Variants in UBE3C observed in about 807,000 individuals in gnomAD.
UBE3C encodes ubiquitin protein ligase E3C.
A neutral mutation model predicts 129.4 loss-of-function variants in UBE3C; 42 were observed. The ratio of observed to expected loss-of-function variants is 0.32; its 90% CI spans 0.25 to 0.42. The LOEUF is 0.42. Among genes scored for constraint, UBE3C ranks in the 10% least tolerant of loss-of-function variants. The probability of loss-of-function intolerance (pLI) is 1.00; values close to 1 mark genes in which losing one functional copy is unlikely to be tolerated. For missense variants in UBE3C, 1,049 were observed against 1,319.1 expected (o/e 0.80, Z 3.17); for synonymous variants, 510 against 492.4 (o/e 1.04, Z -0.47).
At position 157,220,691 on chromosome 7, in the gene UBE3C, C is replaced by A. The variant is rs771358393; in HGVS notation, c.1917C>A (p.Val639=). 3 of 1,614,130 alleles carry A rather than the reference C, an allele frequency of 1.9e-6. No individual in the cohort carries two copies. Among genetic ancestry groups the A allele is most frequent in the South Asian group, 1.1e-5 (1 of 91,074 alleles). ...SEQEDIKADK[V]TQLYVPASRH... ...TGAACCAGGATTGCCCCCGACAGGTCACTCAGCTCTATGTGCCAGCATCCA... is the reference window on the plus strand; with the variant it reads ...TGAACCAGGATTGCCCCCGACAGGTAACTCAGCTCTATGTGCCAGCATCCA... The change falls in exon 15 of 23, where the codon GTC becomes GTA. Residue 639 remains valine (V), a splice_region_variant and synonymous_variant. Transcript: ENST00000348165.
At chr7:157,259,467 C>G (rs1796840968) in intron 22 of UBE3C, among the ~76,000 whole-genome samples, 1 of 152,004 alleles carries the variant, frequency 6.6e-6, no homozygotes, top group Admixed American at 6.6e-5. Flanking sequence ...TCAGAGCAAG[C>G]CTTCATAATG....
chr7:157,230,981 A>T, intron 17 of UBE3C, 99 bp from the exon 18 acceptor site: 1 of 1,483,626 alleles, frequency 6.7e-7, no homozygotes, highest in South Asian at 1.3e-5. Context: ...TGTCCCTAAG[A>T]TCCTCACACC....
chr7:157,249,034 AAAG>A (rs1796554107), intron 19 of UBE3C, among the ~76,000 whole-genome samples: 1 of 151,318 alleles, frequency 6.6e-6, no homozygotes, highest in Admixed American at 6.6e-5. Context: ...AAAAAAGAAA[AAAG>A]AAAGGTCTAT....
intron 10 of UBE3C, among the ~76,000 whole-genome samples, chr7:157,193,515 C>T (rs934157500): frequency 3.3e-5 from 5 of 152,144 alleles, no homozygotes; most frequent in Admixed American, 6.6e-5. Flanking sequence ...ATTTATGACC[C>T]GGCTTACTGA....
chr7:157,264,533 A>C (rs914143507), intron 22 of UBE3C, among the ~76,000 whole-genome samples: 7 of 148,896 alleles, frequency 4.7e-5, no homozygotes, highest in East Asian at 2.0e-4. Context: ...ACACACACAC[A>C]CCTGGTATTA....
intron 1 of UBE3C, among the ~76,000 whole-genome samples, chr7:157,153,739 G>A (rs1258476372): frequency 6.6e-6 from 1 of 152,196 alleles, no homozygotes; most frequent in Non-Finnish European, 1.5e-5. Context: ...CACTCTGGGA[G>A]GCTAAGGCAG....
intron 14 of UBE3C, 51 bp from the exon 15 acceptor site, chr7:157,220,638 A>G (rs937908322): frequency 3.1e-6 from 5 of 1,606,988 alleles, no homozygotes; most frequent in Admixed American, 3.3e-5. Flanking sequence ...GATCAGGTCA[A>G]AGTGTGTGCT....
chr7:157,153,810 A>G (rs962316208), intron 1 of UBE3C, among the ~76,000 whole-genome samples: 2 of 140,636 alleles, frequency 1.4e-5, no homozygotes. Flanking sequence ...GATCCCGTCT[A>G]TACTAAAAAT....
At chr7:157,145,258 G>C (rs556806235) in intron 1 of UBE3C, among the ~76,000 whole-genome samples, 9 of 151,890 alleles carry the variant, frequency 5.9e-5, no homozygotes, top group African/African-American at 2.2e-4. Context: ...AAGAAAAAAG[G>C]AGGAGGCCCG....
At chr7:157,213,099 G>T (rs532089731) in intron 13 of UBE3C, among the ~76,000 whole-genome samples, 1 of 152,206 alleles carries the variant, frequency 6.6e-6, no homozygotes, top group Non-Finnish European at 1.5e-5. Flanking sequence ...CTTGAATAAT[G>T]TATTAGTTTC....
intron 4 of UBE3C, among the ~76,000 whole-genome samples, chr7:157,172,458 T>A (rs535357026): frequency 6.6e-6 from 1 of 152,338 alleles, no homozygotes; most frequent in South Asian, 2.1e-4. Flanking sequence ...CCTACTAGAA[T>A]GATCCTACTT....
chr7:157,216,962 A>T lies in UBE3C; in HGVS notation c.1905A>T (p.Lys635Asn), dbSNP rs1016463769. ...NHWLSEQEDIKADKVTQLYVP... is the reference protein window; with the variant it reads ...NHWLSEQEDINADKVTQLYVP... The stretch of plus-strand genomic sequence containing the variant: ...GGCTGTCAGAACAAGAAGATATTAA[A>T]GCAGATAAGGTGTTATTGAAAGATC... Residue 635 changes from lysine (K) to asparagine (N), a missense_variant, in exon 14 of 23, where the codon AAA becomes AAT. Physicochemically the swap from Lys to Asn is moderately conservative, Grantham distance 94. This residue lies in a region of UBE3C where 314 missense variants were observed against 416.9 expected (regional missense o/e 0.75). Transcript: ENST00000348165. 6.2e-7 allele frequency: 1 copy of T among 1,612,978 alleles called. No individual in the cohort carries two copies. Among genetic ancestry groups the T allele is most frequent in the Non-Finnish European group, 8.5e-7 (1 of 1,178,980 alleles).
chr7:157,205,058 T>C (rs987423825), intron 11 of UBE3C, among the ~76,000 whole-genome samples: 1 of 152,230 alleles, frequency 6.6e-6, no homozygotes, highest in African/African-American at 2.4e-5. Flanking sequence ...TCAGTGTCTT[T>C]TCCATTACAG....
chr7:157,178,934 T>TC, intron 6 of UBE3C, 87 bp downstream of exon 6: 2 of 1,501,752 alleles, frequency 1.3e-6, no homozygotes, highest in South Asian at 1.2e-5. Context: ...GCCTGTGCCC[T>TC]CAGTCTCAAT....
At chr7:157,234,710 A>G (rs1442360055) in intron 18 of UBE3C, among the ~76,000 whole-genome samples, 1 of 152,182 alleles carries the variant, frequency 6.6e-6, no homozygotes, top group Non-Finnish European at 1.5e-5. Flanking sequence ...GGTATGTGTT[A>G]TATCATCATC....
In UBE3C at chr7:157,175,054, C is replaced by T. The variant is rs1808478775; in HGVS notation, c.458+20C>T. On this transcript the variant is annotated intron_variant, in intron 5 of 22. Transcript: ENST00000348165. Reference sequence around the variant, plus strand: ...TTGCAGGTAAAATTCTATTGTAAGTCAGTAACGTATATAATGTATTGATCA... The same window carrying T: ...TTGCAGGTAAAATTCTATTGTAAGTTAGTAACGTATATAATGTATTGATCA... 1.3e-6 allele frequency: 2 copies of T among 1,575,942 alleles called. No individual in the cohort carries two copies. The highest frequency in any genetic ancestry group is 4.6e-5 in the East Asian group (2 of 43,314).
At chr7:157,150,850 C>A (rs1047667936) in intron 1 of UBE3C, among the ~76,000 whole-genome samples, 3 of 152,182 alleles carry the variant, frequency 2.0e-5, no homozygotes, top group Non-Finnish European at 2.9e-5. Context: ...GAGCTTAAAG[C>A]AATACGTTTT....
intron 18 of UBE3C, among the ~76,000 whole-genome samples, chr7:157,245,305 A>T (rs1050944143): frequency 6.6e-6 from 1 of 152,222 alleles, no homozygotes; most frequent in Non-Finnish European, 1.5e-5. Context: ...TTATATATTG[A>T]ACATCAAATG....
At chr7:157,248,335 C>G (rs73743327) in intron 18 of UBE3C, 33 bp from the exon 19 acceptor site, 13 of 1,583,052 alleles carry the variant, frequency 8.2e-6, no homozygotes, top group Non-Finnish European at 1.1e-5. Context: ...CTTGTATATT[C>G]GATGCTAACG....
Sources: allele counts gnomAD v4.1 joint callset (sites outside exome capture counted in the v4.1 genomes callset), GRCh38; gene constraint gnomAD v4.1.1; regional missense constraint gnomAD v4.1.1; transcripts MANE v1.5; gene names NCBI Gene and HGNC (gene_info 2026-07-23, HGNC 2026-07-21).